SPATA6: variants seen among roughly 807,000 people sequenced by gnomAD.
The protein encoded by SPATA6 is spermatogenesis associated 6, also known as spermatogenesis-associated protein 6.
Under a neutral mutation model 65.3 loss-of-function variants are expected in SPATA6, and 56 were observed. The ratio of observed to expected loss-of-function variants is 0.86; its 90% CI spans 0.69 to 1.07. SPATA6 has a LOEUF of 1.07. Ranked by LOEUF, SPATA6 falls within the 50% of genes least tolerant of loss-of-function variation. The probability of loss-of-function intolerance (pLI) is 0.00; values close to 1 mark genes in which losing one functional copy is unlikely to be tolerated. For synonymous variants in SPATA6, 199 were observed against 213.2 expected, an observed-to-expected ratio of 0.93 and a Z score of 0.58; for missense variants, 590 against 594.8, an observed-to-expected ratio of 0.99 and a Z score of 0.08.
intron 3 of SPATA6, among the ~76,000 whole-genome samples, chr1:48,425,315 G>C (rs532828134): frequency 2.0e-5 from 3 of 152,168 alleles, no homozygotes; most frequent in African/African-American, 7.2e-5. Flanking sequence ...GTATGGATTT[G>C]TTTCTGGGTT....
chr1:48,436,951 C>T lies in SPATA6; in HGVS notation c.238+14601G>A, dbSNP rs371813530. The T allele has an allele frequency of 1.7e-5, 27 of 1,612,740 alleles. No individual in the cohort carries two copies. The African/African-American group carries it at 1.9e-4, about 11-fold the overall frequency. On this transcript the variant is annotated intron_variant, in intron 3 of 12. Coordinates refer to ENST00000371847, the MANE Select transcript of SPATA6 (RefSeq NM_019073.4). ...TGGAACTCACACAGTAAATAGTGAC[C>T]GATTACACACACCATCCTCAAAAAC... is the stretch of plus-strand genomic sequence containing the variant.
chr1:48,448,614 A>G (rs1656286771), intron 3 of SPATA6, among the ~76,000 whole-genome samples: 1 of 152,218 alleles, frequency 6.6e-6, no homozygotes. Flanking sequence ...TGCCCAAAAC[A>G]TAATTGCCCA....
At chr1:48,385,060 A>G (rs559214030) in intron 9 of SPATA6, among the ~76,000 whole-genome samples, 17 of 152,354 alleles carry the variant, frequency 1.1e-4, no homozygotes, top group Non-Finnish European at 1.9e-4. Flanking sequence ...ATGCACACAC[A>G]TAAACATAGA....
chr1:48,315,297 A>T (rs967336335), intron 11 of SPATA6, among the ~76,000 whole-genome samples: 2 of 152,216 alleles, frequency 1.3e-5, no homozygotes, highest in Non-Finnish European at 2.9e-5. Flanking sequence ...CCTCAATAAA[A>T]TACAGGCAAA....
the SPATA6 span, among the ~76,000 whole-genome samples, chr1:48,267,003 T>C: frequency 6.6e-6 from 1 of 152,120 alleles, no homozygotes; most frequent in South Asian, 2.1e-4. Flanking sequence ...CACAGAATAT[T>C]AGGAGCTATG....
At chr1:48,365,771 T>C (rs1360250397) in intron 9 of SPATA6, among the ~76,000 whole-genome samples, 1 of 152,198 alleles carries the variant, frequency 6.6e-6, no homozygotes, top group East Asian at 1.9e-4. Context: ...TTTCCCTAAC[T>C]GAATACCCTT....
the SPATA6 span, among the ~76,000 whole-genome samples, chr1:48,272,468 G>A: frequency 4.6e-5 from 7 of 152,096 alleles, no homozygotes; most frequent in African/African-American, 1.7e-4. Context: ...ATTTTGCTTA[G>A]CAAGATGCCA....
At chr1:48,285,135 G>A in the SPATA6 span, among the ~76,000 whole-genome samples, 1 of 152,192 alleles carries the variant, frequency 6.6e-6, no homozygotes, top group Non-Finnish European at 1.5e-5. Context: ...GCCAAGAGAG[G>A]AGGAATCTGG....
chr1:48,397,727 G>A (rs529866193), intron 7 of SPATA6, among the ~76,000 whole-genome samples: 85 of 151,658 alleles, frequency 5.6e-4, no homozygotes, highest in Admixed American at 2.0e-3. Context: ...AAACACAATC[G>A]GAAAATCCAC....
At position 48,444,496 on chromosome 1, in the gene SPATA6, G is replaced by A. The variant is rs916320622; in HGVS notation, c.238+7056C>T. 5.9e-5 allele frequency among the ~76,000 whole-genome samples: 9 copies of A among 151,820 alleles called. 1 individual carries two copies. Among genetic ancestry groups the A allele is most frequent in the Middle Eastern group, 6.9e-3 (2 of 290 alleles). On this transcript the variant is annotated intron_variant, in intron 3 of 12. Coordinates refer to ENST00000371847, the MANE Select transcript of SPATA6 (RefSeq NM_019073.4). Reference sequence around the variant, plus strand: ...ACTCTGTAAAAACATACCAATCAGCGCTCTGTGTCTAGCTAAAGGTTTGTA... The same window carrying A: ...ACTCTGTAAAAACATACCAATCAGCACTCTGTGTCTAGCTAAAGGTTTGTA...
intron 7 of SPATA6, among the ~76,000 whole-genome samples, chr1:48,395,906 A>T (rs1006373044): frequency 2.6e-5 from 4 of 151,884 alleles, no homozygotes; most frequent in African/African-American, 9.7e-5. Context: ...TGCATCAAAA[A>T]ATAATATCAA....
At chr1:48,392,910 G>GA (rs911227483) in intron 8 of SPATA6, among the ~76,000 whole-genome samples, 9 of 150,808 alleles carry the variant, frequency 6.0e-5, no homozygotes, top group Non-Finnish European at 1.2e-4. Context: ...TCAGCCAGGG[G>GA]AAAAAATATA....
At chr1:48,287,647 T>G in the SPATA6 span, among the ~76,000 whole-genome samples, 1 of 152,244 alleles carries the variant, frequency 6.6e-6, no homozygotes, top group African/African-American at 2.4e-5. Context: ...CATGTGGCAC[T>G]GCCAGCTCTC....
At chr1:48,448,049 T>C (rs1656221673) in intron 3 of SPATA6, 1 of 151,910 alleles carries the variant, frequency 6.6e-6, no homozygotes, top group Non-Finnish European at 1.5e-5. Context: ...TATGCTTCCA[T>C]CTCAAGAAGC....
intron 9 of SPATA6, among the ~76,000 whole-genome samples, chr1:48,373,291 C>T (rs1233990321): frequency 6.6e-6 from 1 of 152,184 alleles, no homozygotes; most frequent in Admixed American, 6.5e-5. Context: ...GTTCAAAGTT[C>T]CACAAATCTC....
chr1:48,274,355 GTTGTATA>G, the SPATA6 span, among the ~76,000 whole-genome samples: 1 of 151,814 alleles, frequency 6.6e-6, no homozygotes, highest in Non-Finnish European at 1.5e-5. Flanking sequence ...ATTAGATCCC[GTTGTATA>G]TTTTGGTTTT....
chr1:48,366,533 T>C (rs1570322716), intron 9 of SPATA6, among the ~76,000 whole-genome samples: 1 of 152,210 alleles, frequency 6.6e-6, no homozygotes, highest in Non-Finnish European at 1.5e-5. Flanking sequence ...GGAGGGTGTA[T>C]GTGTCTACGA....
intron 1 of SPATA6, among the ~76,000 whole-genome samples, chr1:48,462,152 C>CA (rs1657485683): frequency 6.6e-6 from 1 of 151,140 alleles, no homozygotes; most frequent in African/African-American, 2.4e-5. Flanking sequence ...AATGAGAACA[C>CA]ATGGACACAG....
At chr1:48,347,399 G>A (rs1317563106) in intron 11 of SPATA6, among the ~76,000 whole-genome samples, 2 of 148,580 alleles carry the variant, frequency 1.3e-5, no homozygotes, top group Non-Finnish European at 3.0e-5. Context: ...ACATAGGTAC[G>A]GGCCTATGTA....
Sources: allele counts gnomAD v4.1 joint callset (sites outside exome capture counted in the v4.1 genomes callset), GRCh38; gene constraint gnomAD v4.1.1; transcripts MANE v1.5; gene names NCBI Gene and HGNC (gene_info 2026-07-23, HGNC 2026-07-21).